The following CFAP299 variants were observed in gnomAD, a reference collection of about 807,000 sequenced individuals.
CFAP299 encodes cilia- and flagella-associated protein 299.
A neutral mutation model predicts 27.0 loss-of-function variants in CFAP299; 21 were observed. That is an observed-to-expected ratio of 0.78 (90% CI 0.55 to 1.12). The LOEUF (loss-of-function observed/expected upper bound fraction) is 1.12. CFAP299 is among the 50% of genes most tolerant of loss of function. CFAP299 has a pLI of 0.00. For synonymous variants in CFAP299, 104 were observed against 98.1 expected, an observed-to-expected ratio of 1.06 and a Z score of -0.36; for missense variants, 310 against 276.6, an observed-to-expected ratio of 1.12 and a Z score of -0.86.
chr4:80,651,365 TTC>T (rs1740279669), intron 3 of CFAP299, among the ~76,000 whole-genome samples: 2 of 140,738 alleles, frequency 1.4e-5, no homozygotes, highest in East Asian at 2.0e-4. Context: ...TTTCTTCTTC[TTC>T]TTTTTTTTTT....
intron 3 of CFAP299, among the ~76,000 whole-genome samples, chr4:80,660,093 C>A (rs1040165855): frequency 2.8e-4 from 42 of 152,014 alleles, no homozygotes; most frequent in African/African-American, 9.4e-4. Context: ...ATTAAAATTT[C>A]TTACTCAGAA....
chr4:80,494,119 T>G (rs543321209), intron 2 of CFAP299, among the ~76,000 whole-genome samples: 1 of 152,196 alleles, frequency 6.6e-6, no homozygotes, highest in African/African-American at 2.4e-5. Context: ...CCCACCTCCA[T>G]GCTCTTCTTC....
intron 2 of CFAP299, among the ~76,000 whole-genome samples, chr4:80,580,277 T>TTAGC (rs1162386861): frequency 2.6e-5 from 4 of 152,148 alleles, no homozygotes; most frequent in African/African-American, 9.6e-5. Flanking sequence ...GGTGTATTCA[T>TTAGC]TAGCTGAGGT....
intron 3 of CFAP299, among the ~76,000 whole-genome samples, chr4:80,737,171 G>A (rs1723951506): frequency 6.8e-6 from 1 of 147,784 alleles, no homozygotes; most frequent in Non-Finnish European, 1.5e-5. Context: ...TGTGGGTTGG[G>A]GGGAGGGGGG....
Position 80,674,497 on chromosome 4 carries a change from G to T in CFAP299, c.333+91314G>T, listed in dbSNP as rs184024251. Among the ~76,000 whole-genome samples the T allele has an allele frequency of 5.1e-3, 770 of 152,132 alleles. 5 individuals are homozygous for T. Among genetic ancestry groups the T allele is most frequent in the Middle Eastern group, 0.02 (6 of 294 alleles). On this transcript the variant is annotated intron_variant, in intron 3 of 5. Transcript: ENST00000358105. ...ACCTTGATGAATCTGACAATTATGTGTCTTGGGGTTGCTCTTCTCGAGGAG... is the reference window on the plus strand; with the variant it reads ...ACCTTGATGAATCTGACAATTATGTTTCTTGGGGTTGCTCTTCTCGAGGAG...
At chr4:80,366,467 A>G (rs948502468) in intron 2 of CFAP299, among the ~76,000 whole-genome samples, 2 of 152,218 alleles carry the variant, frequency 1.3e-5, no homozygotes, top group Non-Finnish European at 2.9e-5. Context: ...AATGCTAAAA[A>G]AATATTTTGG....
At chr4:80,373,496 C>T (rs768012543) in intron 2 of CFAP299, among the ~76,000 whole-genome samples, 10 of 152,110 alleles carry the variant, frequency 6.6e-5, no homozygotes, top group Non-Finnish European at 1.2e-4. Flanking sequence ...TATGGCAGTG[C>T]ATCGTGCTTT....
At chr4:80,843,561 G>C (rs1056800011) in intron 3 of CFAP299, among the ~76,000 whole-genome samples, 1 of 151,974 alleles carries the variant, frequency 6.6e-6, no homozygotes. Context: ...TGTCTTTATA[G>C]CAGCATGATT....
chr4:80,955,282 A>C lies in CFAP299; in HGVS notation c.607-8235A>C, dbSNP rs189108734. ...CTTAGAATGAGTTGAAGGTACAGAG[A>C]TCTTTTCAGCTTTGTGATTAGGGAA... On this transcript the variant is annotated intron_variant, in intron 5 of 5. Transcript: ENST00000358105. 2.0e-3 allele frequency among the ~76,000 whole-genome samples: 297 copies of C among 152,278 alleles called. 1 individual carries two copies. Among genetic ancestry groups the C allele is most frequent in the African/African-American group, 6.8e-3 (281 of 41,550 alleles).
chr4:80,661,345 A>AG (rs2109981715), intron 3 of CFAP299, among the ~76,000 whole-genome samples: 4 of 151,138 alleles, frequency 2.6e-5, no homozygotes, highest in African/African-American at 9.7e-5. Flanking sequence ...AAAAAAAAAA[A>AG]TGTTGCGGGA....
intron 4 of CFAP299, among the ~76,000 whole-genome samples, chr4:80,926,086 G>T (rs1280397067): frequency 6.6e-6 from 1 of 152,046 alleles, no homozygotes; most frequent in Admixed American, 6.6e-5. Context: ...TTAGCTAGAT[G>T]AAAAACAATG....
At chr4:80,359,705 G>A (rs1723447911) in intron 1 of CFAP299, among the ~76,000 whole-genome samples, 1 of 152,106 alleles carries the variant, frequency 6.6e-6, no homozygotes, top group Non-Finnish European at 1.5e-5. Flanking sequence ...TGTCTACTTT[G>A]TCTGTCAGCA....
intron 3 of CFAP299, among the ~76,000 whole-genome samples, chr4:80,680,231 C>CT (rs1170172011): frequency 6.6e-6 from 1 of 152,094 alleles, no homozygotes. Flanking sequence ...TCTAGTGCCT[C>CT]TTAACCCCCT....
chr4:80,647,587 C>G (rs1413468106), intron 3 of CFAP299, among the ~76,000 whole-genome samples: 1 of 152,100 alleles, frequency 6.6e-6, no homozygotes, highest in Non-Finnish European at 1.5e-5. Flanking sequence ...AAATGCTCCC[C>G]CTTAGTGGGA....
At chr4:80,690,869 T>C (rs1277179550) in intron 3 of CFAP299, among the ~76,000 whole-genome samples, 198 of 149,838 alleles carry the variant, frequency 1.3e-3, no homozygotes, top group Non-Finnish European at 1.8e-3. Flanking sequence ...ATATCACCAC[T>C]GATCCCACAG....
Position 80,888,046 on chromosome 4 carries a change from A to G in CFAP299, c.476+17911A>G, listed in dbSNP as rs528302917. Among the ~76,000 whole-genome samples the G allele has an allele frequency of 4.6e-5, 7 of 152,222 alleles. No homozygotes were observed. In the South Asian group the frequency reaches 1.4e-3, roughly 32 times the overall value. ...AGAAAAATCACCTTCACCAAAATGT[A>G]GACAAGAAGGAAGCAAGGAAAGAAG... On this transcript the variant is annotated intron_variant, in intron 4 of 5. Coordinates refer to ENST00000358105, the MANE Select transcript of CFAP299 (RefSeq NM_152770.3).
At chr4:80,650,322 A>G (rs989740251) in intron 3 of CFAP299, among the ~76,000 whole-genome samples, 1 of 152,020 alleles carries the variant, frequency 6.6e-6, no homozygotes, top group Non-Finnish European at 1.5e-5. Context: ...TATAACATTT[A>G]TATGTACAAA....
At chr4:80,869,844 A>G in intron 3 of CFAP299, 149 bp from the exon 4 acceptor site, 1 of 687,286 alleles carries the variant, frequency 1.5e-6, no homozygotes, top group South Asian at 2.9e-5. Context: ...GTGGGGAAAA[A>G]GAAGCTGTTC....
chr4:80,548,625 G>A (rs751541815), intron 2 of CFAP299, among the ~76,000 whole-genome samples: 73 of 152,096 alleles, frequency 4.8e-4, no homozygotes, highest in Non-Finnish European at 8.8e-4. Flanking sequence ...TATGAATGCA[G>A]TATATTTTGG....
Sources: gnomAD v4.1 joint callset for allele counts (sites outside exome capture counted in the v4.1 genomes callset) on GRCh38, gnomAD v4.1.1 for gene constraint, MANE v1.5 for transcripts, NCBI Gene and HGNC (gene_info 2026-07-23, HGNC 2026-07-21) for gene names.